Variants in NTNG1 observed in about 807,000 individuals in gnomAD.
The protein encoded by NTNG1 is netrin-G1.
NTNG1 carries 16 observed loss-of-function variants against 54.0 expected under a neutral mutation model. The ratio of observed to expected loss-of-function variants is 0.30; its 90% confidence interval spans 0.20 to 0.45. The LOEUF (loss-of-function observed/expected upper bound fraction) is 0.45. Ranked by LOEUF, NTNG1 falls within the 20% of genes least tolerant of loss-of-function variation. NTNG1 has a pLI of 1.00. For synonymous variants in NTNG1, 255 were observed against 263.1 expected, an observed-to-expected ratio of 0.97 and a Z score of 0.30; for missense variants, 530 against 678.7, an observed-to-expected ratio of 0.78 and a Z score of 2.43.
chr1:107,218,342 C>A (rs1169820708), intron 2 of NTNG1, among the ~76,000 whole-genome samples: 1 of 152,050 alleles, frequency 6.6e-6, no homozygotes, highest in Non-Finnish European at 1.5e-5. Context: ...TTACATGAGT[C>A]TTTATGTGTC....
chr1:107,459,465 C>T (rs536277974), intron 7 of NTNG1, among the ~76,000 whole-genome samples: 2 of 151,456 alleles, frequency 1.3e-5, no homozygotes, highest in African/African-American at 4.9e-5. Flanking sequence ...AGATGTCAGC[C>T]TAAAGAACAG....
At chr1:107,360,598 T>G (rs558006504) in intron 3 of NTNG1, among the ~76,000 whole-genome samples, 13 of 152,360 alleles carry the variant, frequency 8.5e-5, no homozygotes, top group Middle Eastern at 3.4e-3. Context: ...GGATAGTCTC[T>G]AATTCATGGG....
At chr1:107,252,307 T>TG (rs1468077274) in intron 2 of NTNG1, among the ~76,000 whole-genome samples, 3 of 152,246 alleles carry the variant, frequency 2.0e-5, no homozygotes, top group African/African-American at 7.2e-5. Flanking sequence ...GCTAATTGTA[T>TG]GTCTGGTCCC....
chr1:107,200,889 G>A lies in NTNG1; in HGVS notation c.246+52050G>A, dbSNP rs138866001. Among the ~76,000 whole-genome samples the A allele has an allele frequency of 3.6e-3, 553 of 151,912 alleles. 6 individuals are homozygous for A. The highest frequency in any genetic ancestry group is 0.02 in the South Asian group (95 of 4,820). The stretch of plus-strand genomic sequence containing the variant: ...TTTTTCTTAGGAAAGCTATGACTCA[G>A]TTCTTTTCTCTGACCAGCATTATTT... On this transcript the variant is annotated intron_variant, in intron 2 of 7. Transcript: ENST00000370068.
chr1:107,372,593 A>G (rs1670989028), intron 3 of NTNG1, among the ~76,000 whole-genome samples: 1 of 152,094 alleles, frequency 6.6e-6, no homozygotes, highest in Non-Finnish European at 1.5e-5. Flanking sequence ...AATGCTCTGT[A>G]TATACATGAA....
intron 2 of NTNG1, among the ~76,000 whole-genome samples, chr1:107,210,891 G>A (rs537387748): frequency 1.6e-4 from 25 of 152,124 alleles, no homozygotes; most frequent in African/African-American, 5.3e-4. Context: ...TTTATAAGAC[G>A]CTCCTGTACA....
intron 7 of NTNG1, among the ~76,000 whole-genome samples, chr1:107,480,069 C>A (rs1017381196): frequency 6.6e-6 from 1 of 152,008 alleles, no homozygotes; most frequent in African/African-American, 2.4e-5. Context: ...CTACTTTCCC[C>A]GTGTCCCCAC....
Position 107,484,287 on chromosome 1 carries a change from T to C in NTNG1, c.*3447T>C, listed in dbSNP as rs1571066917. Among the ~76,000 whole-genome samples the C allele has an allele frequency of 6.6e-6, 1 of 152,172 alleles. No individual in the cohort carries two copies. The highest frequency in any genetic ancestry group is 1.9e-4 in the East Asian group (1 of 5,172). On this transcript the variant is annotated 3_prime_UTR_variant, in exon 8 of 8. Transcript: ENST00000370068. ...AAAGGGATGAGGGGTAGGAAGGAGA[T>C]AGACAAGGGCTACCACGAGGCTGGG... is the stretch of plus-strand genomic sequence containing the variant.
At chr1:107,218,747 T>C (rs2101446178) in intron 2 of NTNG1, among the ~76,000 whole-genome samples, 1 of 152,298 alleles carries the variant, frequency 6.6e-6, no homozygotes, top group Admixed American at 6.5e-5. Flanking sequence ...TCTTGGCTGA[T>C]AGTTGTTTTG....
At chr1:107,273,536 C>T (rs1664281741) in intron 2 of NTNG1, among the ~76,000 whole-genome samples, 1 of 151,998 alleles carries the variant, frequency 6.6e-6, no homozygotes, top group African/African-American at 2.4e-5. Context: ...GGATCTGAAA[C>T]AGCAGCCATG....
Position 107,406,315 on chromosome 1 carries a change from T to A in NTNG1, c.1061-1367T>A, listed in dbSNP as rs115027998. Among the ~76,000 whole-genome samples the A allele has an allele frequency of 7.1e-3, 1,078 of 152,224 alleles. 6 individuals are homozygous for A. The highest frequency in any genetic ancestry group is 0.027 in the Middle Eastern group (8 of 294). ...GATAAATACTAAAATAGAACCTTAA[T>A]GATTTTCACAGTTACCACCTGTTAC... On this transcript the variant is annotated intron_variant, in intron 4 of 7. Transcript: ENST00000370068.
At position 107,297,216 on chromosome 1, in the gene NTNG1, C is replaced by CATATATAT. The variant is rs755223720; in HGVS notation, c.247-27043_247-27036dup. Among the ~76,000 whole-genome samples, 35 of 15,462 alleles carry CATATATAT rather than the reference C, an allele frequency of 2.3e-3. 1 individual carries two copies. The highest frequency in any genetic ancestry group is 3.6e-3 in the African/African-American group (21 of 5,882). The allele number at this position is 15,462 out of a possible 152,430, so 10.1% of individuals were successfully genotyped here. A position where few individuals can be genotyped will look rare whatever the true frequency, so the allele number is the denominator to read the frequency against. ...ATATAACATCATATATATATACCATCATATATATATATATATATATATATA... is the reference window on the plus strand; with the variant it reads ...ATATAACATCATATATATATACCATCATATATATATATATATATATATATATATATATA... On this transcript the variant is annotated intron_variant, in intron 2 of 7. Transcript: ENST00000370068.
At chr1:107,393,532 G>A (rs1672494214) in intron 3 of NTNG1, among the ~76,000 whole-genome samples, 1 of 151,772 alleles carries the variant, frequency 6.6e-6, no homozygotes, top group Admixed American at 6.6e-5. Context: ...ACATTTATGT[G>A]TCTAAGTTGA....
At chr1:107,322,128 G>A (rs1667696042) in intron 2 of NTNG1, among the ~76,000 whole-genome samples, 2 of 152,148 alleles carry the variant, frequency 1.3e-5, no homozygotes, top group African/African-American at 2.4e-5. Context: ...AGGTTTGTTA[G>A]TATTGACCAA....
chr1:107,286,225 G>A (rs987080913), intron 2 of NTNG1, among the ~76,000 whole-genome samples: 22 of 152,278 alleles, frequency 1.4e-4, no homozygotes, highest in East Asian at 3.9e-4. Flanking sequence ...GTGGCTGAAG[G>A]TATGGGAGGA....
At chr1:107,288,410 G>A (rs1031018727) in intron 2 of NTNG1, among the ~76,000 whole-genome samples, 2 of 152,148 alleles carry the variant, frequency 1.3e-5, no homozygotes, top group African/African-American at 2.4e-5. Flanking sequence ...AGAGGCATTT[G>A]CATTGAAGTA....
chr1:107,338,365 ACTCATGTTT>A (rs973448899), intron 3 of NTNG1, among the ~76,000 whole-genome samples: 2 of 151,854 alleles, frequency 1.3e-5, no homozygotes, highest in Non-Finnish European at 2.9e-5. Context: ...CCACTGTTTG[ACTCATGTTT>A]CCATCCTGAG....
chr1:107,236,862 A>G (rs1385126849), intron 2 of NTNG1, among the ~76,000 whole-genome samples: 1 of 152,188 alleles, frequency 6.6e-6, no homozygotes, highest in Non-Finnish European at 1.5e-5. Context: ...TGTGAGTCCA[A>G]TTAAACCTCT....
chr1:107,158,504 C>T (rs1196416186), intron 2 of NTNG1, among the ~76,000 whole-genome samples: 3 of 152,036 alleles, frequency 2.0e-5, no homozygotes, highest in Non-Finnish European at 2.9e-5. Context: ...AAGAAATAGC[C>T]CTTTTGTTTC....
Sources: gnomAD v4.1 joint callset for allele counts (sites outside exome capture counted in the v4.1 genomes callset) on GRCh38, gnomAD v4.1.1 for gene constraint, MANE v1.5 for transcripts, NCBI Gene and HGNC (gene_info 2026-07-23, HGNC 2026-07-21) for gene names.